The following INTS9 variants were observed in gnomAD, a reference collection of about 807,000 sequenced individuals.
INTS9 encodes the protein integrator complex subunit 9.
In INTS9, 55 loss-of-function variants were observed where a neutral mutation model predicts 79.7. The observed-to-expected ratio is 0.69, with a 90% CI of 0.56 to 0.86. The LOEUF is 0.86. INTS9 is among the 40% of genes least tolerant of loss of function. INTS9 has a pLI of 0.00. For synonymous variants in INTS9, 319 were observed against 325.2 expected, an observed-to-expected ratio of 0.98 and a Z score of 0.20; for missense variants, 721 against 831.5, an observed-to-expected ratio of 0.87 and a Z score of 1.64.
intron 8 of INTS9, among the ~76,000 whole-genome samples, chr8:28,803,639 C>T (rs1482789403): frequency 6.6e-6 from 1 of 152,140 alleles, no homozygotes; most frequent in Admixed American, 6.5e-5. Context: ...TATCATATGT[C>T]ATGTGGTAGA....
intron 6 of INTS9, among the ~76,000 whole-genome samples, chr8:28,815,147 G>T (rs909204501): frequency 1.3e-5 from 2 of 151,978 alleles, no homozygotes; most frequent in African/African-American, 4.8e-5. Flanking sequence ...CCTTACTATC[G>T]TTAGAAAAAT....
At position 28,775,800 on chromosome 8, in the gene INTS9, G is replaced by T; in HGVS notation, c.1522C>A (p.Pro508Thr). 1 of 1,613,960 alleles carries T rather than the reference G, an allele frequency of 6.2e-7. No homozygotes were observed. The highest frequency in any genetic ancestry group is 1.1e-5 in the South Asian group (1 of 91,054). ...SYRRAEVLAL[P>T]FKRRYEKIEI... ...ATCTTCTCGTACCGACGTTTGAAGGGCAGGGCGAGAACCTCAGCCCGCCGA... is the reference window on the plus strand; with the variant it reads ...ATCTTCTCGTACCGACGTTTGAAGGTCAGGGCGAGAACCTCAGCCCGCCGA... Residue 508 changes from proline to threonine, a missense_variant, in exon 14 of 17, where the codon CCC becomes ACC. Pro to Thr is a conservative substitution (Grantham distance 38). This residue lies in a region of INTS9 where 281 missense variants were observed against 300.8 expected (regional missense o/e 0.93). Transcript: ENST00000521022.
At chr8:28,780,368 T>A in intron 12 of INTS9, 2 of 984,838 alleles carry the variant, frequency 2.0e-6, no homozygotes, top group Non-Finnish European at 2.4e-6. Context: ...GATACAGTCA[T>A]TATCTATGTA....
chr8:28,801,865 G>A (rs1315207895), intron 8 of INTS9, among the ~76,000 whole-genome samples: 3 of 152,014 alleles, frequency 2.0e-5, no homozygotes, highest in South Asian at 2.1e-4. Context: ...CTCCTGCCTC[G>A]ACCTCCCAAA....
chr8:28,868,868 C>T (rs1808910743), intron 1 of INTS9, among the ~76,000 whole-genome samples: 1 of 151,908 alleles, frequency 6.6e-6, no homozygotes, highest in Non-Finnish European at 1.5e-5. Flanking sequence ...TTTGGGAGGC[C>T]GAGACGGATC....
rs1432149593 is a variant in INTS9 at position 28,859,758 on chromosome 8, G to A, written c.10-195C>T. On this transcript the variant is annotated intron_variant, in intron 1 of 16. Transcript: ENST00000521022. Reference sequence around the variant, plus strand: ...CCGTTCAAAATACTCAAAATTCTCAGATCACACCCATCTGTCTTTTCACAG... The same window carrying A: ...CCGTTCAAAATACTCAAAATTCTCAAATCACACCCATCTGTCTTTTCACAG... The A allele has an allele frequency of 1.6e-5, 11 of 670,112 alleles. No homozygotes were observed. The African/African-American group carries it at 1.8e-4, about 11-fold the overall frequency. The allele number at this position is 670,112 out of a possible 1,614,324, so 41.5% of individuals were successfully genotyped here.
At chr8:28,810,188 G>A (rs1056566848) in intron 8 of INTS9, 14 of 152,636 alleles carry the variant, frequency 9.2e-5, no homozygotes, top group African/African-American at 2.9e-4. Context: ...TACAAGAAGG[G>A]AAAAGATGAT....
intron 5 of INTS9, 60 bp from the exon 6 acceptor site, chr8:28,835,438 C>G: frequency 2.4e-6 from 3 of 1,239,930 alleles, no homozygotes; most frequent in Non-Finnish European, 2.3e-6. Context: ...ACACCCCATA[C>G]TCTAACAGTT....
intron 8 of INTS9, among the ~76,000 whole-genome samples, chr8:28,805,593 G>C (rs1172115008): frequency 6.6e-6 from 1 of 152,118 alleles, no homozygotes; most frequent in African/African-American, 2.4e-5. Context: ...AAACGACCCA[G>C]AACTAAAATT....
intron 5 of INTS9, 99 bp from the exon 6 acceptor site, chr8:28,835,477 C>G (rs1407610010): frequency 1.2e-5 from 6 of 515,080 alleles, no homozygotes; most frequent in Non-Finnish European, 1.7e-5. Context: ...GCCCACCTCC[C>G]CCTACACCAT....
intron 1 of INTS9, among the ~76,000 whole-genome samples, chr8:28,882,548 G>GAAAAAAAAAAAAAAAAA (rs376509452): frequency 1.3e-5 from 1 of 74,844 alleles, no homozygotes; most frequent in Non-Finnish European, 2.9e-5. Flanking sequence ...AAAAAAAAAA[G>GAAAAAAAAAAAAAAAAA]AAAAAAAAAA....
In INTS9 at chr8:28,782,288, T is replaced by A. The variant is rs117630584; in HGVS notation, c.1099-1294A>T. ...CTGAAGTTCTCATTATCACTTCTTG[T>A]TTGAAGTACAAGTGACTTTCCCAAC... On this transcript the variant is annotated intron_variant, in intron 11 of 16. Coordinates refer to ENST00000521022, the MANE Select transcript of INTS9 (RefSeq NM_018250.4). 2.8e-3 allele frequency among the ~76,000 whole-genome samples: 422 copies of A among 152,298 alleles called. 17 individuals carry two copies. The East Asian group carries it at 0.067, about 24-fold the overall frequency.
chr8:28,882,532 T>TAAAAAAA (rs369293166), intron 1 of INTS9, among the ~76,000 whole-genome samples: 46 of 63,228 alleles, frequency 7.3e-4, no homozygotes, highest in Non-Finnish European at 9.2e-4. Context: ...TATTAACAGC[T>TAAAAAAA]AAAAAAAAAA....
intron 5 of INTS9, among the ~76,000 whole-genome samples, chr8:28,835,885 T>C (rs1806783065): frequency 6.6e-6 from 1 of 152,078 alleles, no homozygotes; most frequent in Non-Finnish European, 1.5e-5. Flanking sequence ...CTCAGCTCAC[T>C]ACAATCTCCG....
At chr8:28,852,967 T>C (rs562095714) in intron 2 of INTS9, among the ~76,000 whole-genome samples, 116 of 152,328 alleles carry the variant, frequency 7.6e-4, no homozygotes, top group African/African-American at 2.7e-3. Context: ...GATGAAAATA[T>C]TTGCTTACTG....
intron 8 of INTS9, among the ~76,000 whole-genome samples, chr8:28,810,710 C>T (rs888033889): frequency 6.6e-6 from 1 of 152,114 alleles, no homozygotes; most frequent in South Asian, 2.1e-4. Flanking sequence ...AACTAATGTC[C>T]CCCCACTCCC....
chr8:28,774,757 G>A (rs575301674), intron 14 of INTS9, among the ~76,000 whole-genome samples: 1 of 152,252 alleles, frequency 6.6e-6, no homozygotes, highest in African/African-American at 2.4e-5. Flanking sequence ...CCTGTCTGTT[G>A]AAAACACATT....
At chr8:28,835,450 G>A in intron 5 of INTS9, 72 bp from the exon 6 acceptor site, 1 of 1,002,952 alleles carries the variant, frequency 1.0e-6, no homozygotes, top group Non-Finnish European at 1.5e-6. Context: ...CTAACAGTTG[G>A]CCAGGAGAAA....
chr8:28,781,711 A>G (rs1298190325), intron 11 of INTS9, among the ~76,000 whole-genome samples: 5 of 152,224 alleles, frequency 3.3e-5, no homozygotes, highest in Admixed American at 6.5e-5. Context: ...TTCCAACTGT[A>G]TGACGTTCTG....
Sources: allele counts gnomAD v4.1 joint callset (sites outside exome capture counted in the v4.1 genomes callset), GRCh38; gene constraint gnomAD v4.1.1; regional missense constraint gnomAD v4.1.1; transcripts MANE v1.5; gene names NCBI Gene and HGNC (gene_info 2026-07-23, HGNC 2026-07-21).